The following EIF2S1 variants were observed in gnomAD, a reference collection of about 807,000 sequenced individuals.
EIF2S1 encodes eukaryotic translation initiation factor 2 subunit 1.
Under a neutral mutation model 33.5 loss-of-function variants are expected in EIF2S1, and 5 were observed. The ratio of observed to expected loss-of-function variants is 0.15; its 90% CI spans 0.08 to 0.31. The LOEUF is 0.31. EIF2S1 is among the 10% of genes least tolerant of loss of function. EIF2S1 has a pLI of 1.00. For missense variants in EIF2S1, 191 were observed against 384.6 expected (o/e 0.50, Z 4.21); for synonymous variants, 99 against 127.5 (o/e 0.78, Z 1.51).
rs751635358 is a variant in EIF2S1, at chr14:67,364,891, A to G, written c.124A>G (p.Ile42Val). 6.3e-5 allele frequency: 102 copies of G among 1,613,964 alleles called. No individual in the cohort carries two copies. Among genetic ancestry groups the G allele is most frequent in the Non-Finnish European group, 7.9e-5 (93 of 1,179,976 alleles). ...TGTCAGCTTGCTGGAATACAACAACATTGAAGGCATGATTCTTCTTAGTGA... is the reference window on the plus strand; with the variant it reads ...TGTCAGCTTGCTGGAATACAACAACGTTGAAGGCATGATTCTTCTTAGTGA... ...AYVSLLEYNN[I>V]EGMILLSELS... The change falls in exon 2 of 8, where the codon ATT (isoleucine) becomes GTT (valine). Residue 42 changes from isoleucine to valine, a missense_variant. Ile to Val is a conservative substitution (Grantham distance 29, BLOSUM62 3). Coordinates refer to ENST00000256383, the MANE Select transcript of EIF2S1 (RefSeq NM_004094.5).
chr14:67,366,501 T>C (rs2085780082), intron 2 of EIF2S1, among the ~76,000 whole-genome samples: 1 of 152,246 alleles, frequency 6.6e-6, no homozygotes, highest in Non-Finnish European at 1.5e-5. Context: ...TTCCATAGCA[T>C]TTGTTTGTAT....
At chr14:67,382,371 A>G (rs2085891930) in intron 6 of EIF2S1, 76 bp from the exon 7 acceptor site, 6 of 1,372,234 alleles carry the variant, frequency 4.4e-6, no homozygotes, top group African/African-American at 3.0e-5. Flanking sequence ...CAGCAGATTA[A>G]TAAAATCTCA....
chr14:67,371,254 A>G (rs1238297693), intron 2 of EIF2S1, among the ~76,000 whole-genome samples: 1 of 151,924 alleles, frequency 6.6e-6, no homozygotes, highest in Non-Finnish European at 1.5e-5. Context: ...TCTCTATAAA[A>G]ATTTTAAAAA....
chr14:67,372,740 A>T (rs1458128917), intron 2 of EIF2S1, among the ~76,000 whole-genome samples: 1 of 152,020 alleles, frequency 6.6e-6, no homozygotes, highest in Non-Finnish European at 1.5e-5. Context: ...AGGCAGGAGA[A>T]TCACTTGAAC....
intron 3 of EIF2S1, 152 bp from the exon 4 acceptor site, chr14:67,376,287 T>C (rs2085857459): frequency 1.3e-6 from 1 of 753,986 alleles, no homozygotes; most frequent in South Asian, 2.1e-5. Flanking sequence ...CTATCTCTAC[T>C]TTTTATACCC....
At chr14:67,363,290 C>A (rs965988890) in intron 1 of EIF2S1, among the ~76,000 whole-genome samples, 1 of 151,754 alleles carries the variant, frequency 6.6e-6, no homozygotes, top group East Asian at 1.9e-4. Context: ...ATGTCTACTT[C>A]TCTTTATTTG....
intron 4 of EIF2S1, 131 bp downstream of exon 4, chr14:67,376,721 G>A: frequency 1.1e-6 from 1 of 872,522 alleles, no homozygotes; most frequent in Non-Finnish European, 1.7e-6. Flanking sequence ...GCCAGTAAAT[G>A]GGCCAATCCT....
intron 2 of EIF2S1, among the ~76,000 whole-genome samples, chr14:67,367,618 C>G (rs935338762): frequency 7.3e-6 from 1 of 137,898 alleles, no homozygotes; most frequent in Admixed American, 7.3e-5. Flanking sequence ...GGGCACGTTG[C>G]GTGAACTCAC....
rs1326261308 is a variant in EIF2S1, at chr14:67,385,117, G to C, written c.*1677G>C. ...ATGGCAATTTTGTAAATTGACCCTAGCCAGAGAATAGATCAGTATTTCACT... is the reference window on the plus strand; with the variant it reads ...ATGGCAATTTTGTAAATTGACCCTACCCAGAGAATAGATCAGTATTTCACT... On this transcript the variant is annotated 3_prime_UTR_variant, in exon 8 of 8. Transcript: ENST00000256383. The C allele has an allele frequency of 6.6e-6, 1 of 152,090 alleles. No homozygotes were observed. The highest frequency in any genetic ancestry group is 1.5e-5 in the Non-Finnish European group (1 of 68,030). The allele number at this position is 152,090 out of a possible 1,614,324, so 9.4% of individuals were successfully genotyped here.
chr14:67,386,148 G>A lies in EIF2S1; in HGVS notation c.*2708G>A, dbSNP rs558231222. 17 of 152,628 alleles carry A rather than the reference G, an allele frequency of 1.1e-4. No individual in the cohort carries two copies. Among genetic ancestry groups the A allele is most frequent in the South Asian group, 4.2e-4 (2 of 4,818 alleles). 9.5% of individuals were successfully genotyped at this position (152,628 alleles called of 1,614,324 possible). A position where few individuals can be genotyped will look rare whatever the true frequency, so the allele number is the denominator to read the frequency against. On this transcript the variant is annotated 3_prime_UTR_variant, in exon 8 of 8. Coordinates refer to ENST00000256383, the MANE Select transcript of EIF2S1 (RefSeq NM_004094.5). Reference sequence around the variant, plus strand: ...AGTTTAATTCAGATGAACACCTATCGATATTCAAAAGGCAAAACAAAAAAA... The same window carrying A: ...AGTTTAATTCAGATGAACACCTATCAATATTCAAAAGGCAAAACAAAAAAA...
intron 6 of EIF2S1, 116 bp from the exon 7 acceptor site, chr14:67,382,331 G>A: frequency 1.1e-6 from 1 of 888,804 alleles, no homozygotes; most frequent in Non-Finnish European, 1.7e-6. Context: ...TGTAGAATTG[G>A]CAATTACGTT....
At position 67,384,529 on chromosome 14, in the gene EIF2S1, TATG is replaced by T. The variant is rs1177007553; in HGVS notation, c.*1092_*1094del. On this transcript the variant is annotated 3_prime_UTR_variant, in exon 8 of 8. Transcript: ENST00000256383. The stretch of plus-strand genomic sequence containing the variant: ...GCTTGTCTTCATAAATTTATTCTCT[TATG>T]ATACTTGAGGTACCAGTTGTATTTA... 1 of 152,190 alleles carries T rather than the reference TATG, an allele frequency of 6.6e-6. No individual in the cohort carries two copies. Among genetic ancestry groups the T allele is most frequent in the Non-Finnish European group, 1.5e-5 (1 of 68,020 alleles). 9.4% of individuals were successfully genotyped at this position (152,190 alleles called of 1,614,324 possible).
chr14:67,365,024 A>G lies in EIF2S1; in HGVS notation c.241+16A>G. 6.4e-7 allele frequency: 1 copy of G among 1,567,580 alleles called. No individual in the cohort carries two copies. Among genetic ancestry groups the G allele is most frequent in the Non-Finnish European group, 8.7e-7 (1 of 1,155,946 alleles). Reference sequence around the variant, plus strand: ...AAAGAAAAAGGTAAGTGAGAAAAATATCTGTAATATAAATTTCAGATTTAA... The same window carrying G: ...AAAGAAAAAGGTAAGTGAGAAAAATGTCTGTAATATAAATTTCAGATTTAA... On this transcript the variant is annotated intron_variant, in intron 2 of 7. Coordinates refer to ENST00000256383, the MANE Select transcript of EIF2S1 (RefSeq NM_004094.5).
intron 4 of EIF2S1, among the ~76,000 whole-genome samples, chr14:67,379,844 C>T (rs376323068): frequency 1.3e-5 from 2 of 151,394 alleles, no homozygotes; most frequent in Non-Finnish European, 2.9e-5. Flanking sequence ...TTAGTAGAGA[C>T]GAGGTTTCAC....
intron 4 of EIF2S1, among the ~76,000 whole-genome samples, chr14:67,379,808 C>T (rs1434766473): frequency 2.0e-5 from 3 of 150,770 alleles, no homozygotes; most frequent in Non-Finnish European, 4.4e-5. Context: ...GCGCCCGCCA[C>T]TACGCCCGGC....
In EIF2S1 at chr14:67,383,721, T is replaced by C; in HGVS notation, c.*281T>C. 2.7e-6 allele frequency: 1 copy of C among 373,590 alleles called. No individual in the cohort carries two copies. Among genetic ancestry groups the C allele is most frequent in the Non-Finnish European group, 5.1e-6 (1 of 195,096 alleles). 23.1% of individuals were successfully genotyped at this position (373,590 alleles called of 1,614,324 possible). A position where few individuals can be genotyped will look rare whatever the true frequency, so the allele number is the denominator to read the frequency against. ...TCTAAAATTGGGCTTGTGATTTCCA[T>C]TTCTGATGTCTCCAGATTGGCACCC... On this transcript the variant is annotated 3_prime_UTR_variant, in exon 8 of 8. Transcript: ENST00000256383.
chr14:67,382,963 G>A (rs1009994143), intron 7 of EIF2S1, among the ~76,000 whole-genome samples: 4 of 152,046 alleles, frequency 2.6e-5, no homozygotes, highest in African/African-American at 9.7e-5. Flanking sequence ...TAGTAAGCTA[G>A]TAAGTAGTAG....
At chr14:67,382,908 C>T (rs80118302) in intron 7 of EIF2S1, among the ~76,000 whole-genome samples, 21 of 144,094 alleles carry the variant, frequency 1.5e-4, no homozygotes, top group African/African-American at 4.5e-4. Flanking sequence ...TGCGTGCGTG[C>T]GTGTGTGTGT....
intron 2 of EIF2S1, among the ~76,000 whole-genome samples, chr14:67,373,043 A>C (rs1025224986): frequency 4.6e-5 from 7 of 152,338 alleles, no homozygotes; most frequent in African/African-American, 1.4e-4. Context: ...TTTAAAAATC[A>C]ATTGAGAGAC....
Sources: allele counts gnomAD v4.1 joint callset (sites outside exome capture counted in the v4.1 genomes callset), GRCh38; gene constraint gnomAD v4.1.1; transcripts MANE v1.5; gene names NCBI Gene and HGNC (gene_info 2026-07-23, HGNC 2026-07-21).